Variants in BRF1 observed in about 807,000 individuals in gnomAD.
BRF1 encodes the protein transcription factor IIIB 90 kDa subunit.
Under a neutral mutation model 81.7 loss-of-function variants are expected in BRF1, and 59 were observed. That is an observed-to-expected ratio of 0.72 (90% confidence interval 0.59 to 0.90). BRF1 has a LOEUF of 0.90. Among genes scored for constraint, BRF1 ranks in the 40% least tolerant of loss-of-function variants. BRF1 has a pLI of 0.00. For missense variants in BRF1, 1,050 were observed against 936.3 expected, an observed-to-expected ratio of 1.12 and a Z score of -1.58; for synonymous variants, 491 against 395.6, an observed-to-expected ratio of 1.24 and a Z score of -2.86.
At chr14:105,264,275 A>G (rs1410685555) in intron 3 of BRF1, among the ~76,000 whole-genome samples, 1 of 152,006 alleles carries the variant, frequency 6.6e-6, no homozygotes, top group Non-Finnish European at 1.5e-5. Context: ...GTTCAAGACC[A>G]GGCTGGGCAA....
At chr14:105,255,137 G>A (rs2055806728) in intron 4 of BRF1, among the ~76,000 whole-genome samples, 1 of 152,332 alleles carries the variant, frequency 6.6e-6, no homozygotes, top group Non-Finnish European at 1.5e-5. Flanking sequence ...CTCGCCATGG[G>A]ACCATCTGAG....
Position 105,241,267 on chromosome 14 carries a change from G to C in BRF1, c.692C>G (p.Ala231Gly), listed in dbSNP as rs2054611124. Reference sequence around the variant, plus strand: ...CAGGCAGGCAGGGCCCGCTGTACCTGCTCCGCAGAGGCCCGAGGGGCGCCG... The same window carrying C: ...CAGGCAGGCAGGGCCCGCTGTACCTCCTCCGCAGAGGCCCGAGGGGCGCCG... Reference protein sequence around the residue: ...TGRRPSGLCGAALLVAARMHD... With the variant: ...TGRRPSGLCGGALLVAARMHD... The change falls in exon 6 of 18, where the codon GCA (alanine) becomes GGA (glycine). Residue 231 changes from alanine to glycine, a missense_variant and splice_region_variant. Ala to Gly is a moderately conservative substitution (Grantham distance 60, BLOSUM62 0). Transcript: ENST00000547530. 2 of 1,611,196 alleles carry C rather than the reference G, an allele frequency of 1.2e-6. No individual in the cohort carries two copies. The highest frequency in any genetic ancestry group is 1.7e-6 in the Non-Finnish European group (2 of 1,179,740).
At position 105,309,241 on chromosome 14, in the gene BRF1, C is replaced by G. The variant is rs2058278793; in HGVS notation, c.-162+6081G>C. Among the ~76,000 whole-genome samples the G allele has an allele frequency of 2.6e-5, 4 of 152,302 alleles. No individual in the cohort carries two copies. The highest frequency in any genetic ancestry group is 2.0e-4 in the Admixed American group (3 of 15,294). ...TGTTAAAATTTATGCATCAAGGTCC[C>G]TCTTAATCTTGGGGCTCAGGATAAC... On this transcript the variant is annotated intron_variant, in intron 1 of 17. Coordinates refer to the BRF1 transcript ENST00000327359. This position sits in a 1 kb window ranked among gnomAD's most constrained non-coding sequence, Gnocchi z 4.0.
chr14:105,292,776 GACCCTTCCCATGCGCAC>G, intron 1 of BRF1, among the ~76,000 whole-genome samples: 1 of 151,524 alleles, frequency 6.6e-6, no homozygotes, highest in South Asian at 2.1e-4. Context: ...CCCAGGCGCA[GACCCTTCCCATGCGCAC>G]ACCCCTTCCC....
chr14:105,260,905 G>A (rs1017210416), intron 3 of BRF1, among the ~76,000 whole-genome samples: 6 of 152,196 alleles, frequency 3.9e-5, no homozygotes, highest in Non-Finnish European at 7.3e-5. Flanking sequence ...GGCCAATCCC[G>A]GGAGGGCCTA....
At chr14:105,288,000 G>A (rs1013750038) in intron 1 of BRF1, among the ~76,000 whole-genome samples, 2 of 152,210 alleles carry the variant, frequency 1.3e-5, no homozygotes, top group Non-Finnish European at 2.9e-5. Context: ...GGGGTGGCCG[G>A]CAGCAGCAGC....
At chr14:105,289,974 T>C (rs587720595) in intron 1 of BRF1, among the ~76,000 whole-genome samples, 44 of 152,316 alleles carry the variant, frequency 2.9e-4, no homozygotes, top group African/African-American at 1.0e-3. Context: ...CACCATTCTG[T>C]GTAGCCCCTG....
intron 1 of BRF1, among the ~76,000 whole-genome samples, chr14:105,297,079 A>C (rs776581674): frequency 1.1e-4 from 17 of 151,754 alleles, no homozygotes; most frequent in Non-Finnish European, 2.2e-4. Context: ...AATCGCTTGA[A>C]CCCAAGAGGC....
chr14:105,241,321 C>T lies in BRF1; in HGVS notation c.638G>A (p.Arg213Lys), dbSNP rs368844889. ...TGTGTGCATCCAGTCCCGCTTCATC[C>T]TCTGTAGGAGCCTCAGGGCAGTCAT... is the stretch of plus-strand genomic sequence containing the variant. Reference protein sequence around the residue: ...VSMTALRLLQRMKRDWMHTGR... With the variant: ...VSMTALRLLQKMKRDWMHTGR... The change falls in exon 6 of 18, where the codon AGG becomes AAG. Residue 213 changes from arginine to lysine, a missense_variant. Arg to Lys is a conservative substitution (Grantham distance 26, BLOSUM62 2). Coordinates refer to ENST00000547530, the MANE Select transcript of BRF1 (RefSeq NM_001519.4). The T allele has an allele frequency of 5.0e-5, 81 of 1,612,634 alleles. No individual in the cohort carries two copies. The highest frequency in any genetic ancestry group is 6.4e-5 in the Non-Finnish European group (76 of 1,179,948).
intron 4 of BRF1, among the ~76,000 whole-genome samples, chr14:105,254,749 A>G (rs904019974): frequency 2.0e-5 from 3 of 151,520 alleles, no homozygotes; most frequent in Non-Finnish European, 2.9e-5. Context: ...TTTAGTAGAG[A>G]CGGGGTTTCA....
chr14:105,249,097 CCCCGCGGCCCCCGCGCCCGCGCGCG>C (rs752621230), intron 5 of BRF1: 2 of 1,486,088 alleles, frequency 1.3e-6, no homozygotes, highest in East Asian at 5.5e-5. Flanking sequence ...TGAGCCCGTG[CCCCGCGGCCCCCGCGCCCGCGCGCG>C]CCCACGCCCC....
chr14:105,302,120 C>T (rs1442699514), upstream of BRF1, among the ~76,000 whole-genome samples: 1 of 148,598 alleles, frequency 6.7e-6, no homozygotes, highest in Non-Finnish European at 1.5e-5. Flanking sequence ...GCCTGGGTGA[C>T]GGGTGACAAG....
intron 4 of BRF1, among the ~76,000 whole-genome samples, chr14:105,254,992 C>G (rs915560173): frequency 6.6e-6 from 1 of 152,260 alleles, no homozygotes; most frequent in Non-Finnish European, 1.5e-5. Context: ...AGCTGCCCCC[C>G]CCATCTCTCT....
chr14:105,229,256 G>A (rs1026765398), intron 6 of BRF1, among the ~76,000 whole-genome samples: 3 of 152,244 alleles, frequency 2.0e-5, no homozygotes, highest in Admixed American at 6.5e-5. Context: ...CTCTGAGGAT[G>A]CGGAGCCAGG....
At position 105,292,758 on chromosome 14, in the gene BRF1, C is replaced by T. The variant is rs181104744; in HGVS notation, c.185-6382G>A. Among the ~76,000 whole-genome samples, 437 of 152,218 alleles carry T rather than the reference C, an allele frequency of 2.9e-3. 3 individuals are homozygous for T. Among genetic ancestry groups the T allele is most frequent in the African/African-American group, 1.0e-2 (414 of 41,528 alleles). On this transcript the variant is annotated intron_variant, in intron 1 of 17. Coordinates refer to ENST00000547530, the MANE Select transcript of BRF1 (RefSeq NM_001519.4). ...AAACAGGGCCAAGCACGGCAGCCCA[C>T]ACCCCTTCCCAGGCGCAGACCCTTC...
intron 15 of BRF1, among the ~76,000 whole-genome samples, chr14:105,216,962 C>T (rs891317805): frequency 5.9e-5 from 9 of 152,324 alleles, no homozygotes; most frequent in South Asian, 2.1e-4. Flanking sequence ...ATGGCCTCGT[C>T]AGGAGAGCCT....
At position 105,283,730 on chromosome 14, in the gene BRF1, A is replaced by T. The variant is rs1302089085; in HGVS notation, c.265+2566T>A. 2.0e-5 allele frequency among the ~76,000 whole-genome samples: 3 copies of T among 152,360 alleles called. No individual in the cohort carries two copies. The East Asian group carries it at 5.8e-4, about 29-fold the overall frequency. ...ATTTGTATAGGTCTGAGGCACGACC[A>T]ACTCTAGTAAAGATACCGCGAGTTT... On this transcript the variant is annotated intron_variant, in intron 2 of 17. Coordinates refer to ENST00000547530, the MANE Select transcript of BRF1 (RefSeq NM_001519.4).
intron 1 of BRF1, chr14:105,314,345 G>C (rs1244787691): frequency 6.6e-6 from 1 of 152,046 alleles, no homozygotes; most frequent in Non-Finnish European, 1.5e-5. Flanking sequence ...TCCGCGCGTG[G>C]GGAGGTGGGC....
intron 5 of BRF1, chr14:105,248,994 CCG>C (rs1158480306): frequency 2.4e-5 from 24 of 998,070 alleles, no homozygotes; most frequent in Non-Finnish European, 2.7e-5. Context: ...CGCGCCAGCG[CCG>C]CCGCCGCCCG....
Sources: allele counts gnomAD v4.1 joint callset (sites outside exome capture counted in the v4.1 genomes callset), GRCh38; gene constraint gnomAD v4.1.1; non-coding constraint Gnocchi (gnomAD v3.1); transcripts MANE v1.5; gene names NCBI Gene and HGNC (gene_info 2026-07-23, HGNC 2026-07-21).